Variants in SBNO1 observed in about 807,000 individuals in gnomAD.
SBNO1 encodes strawberry notch homolog 1.
Under a neutral mutation model 173.6 loss-of-function variants are expected in SBNO1, and 23 were observed. The observed-to-expected ratio is 0.13, with a 90% CI of 0.10 to 0.19. The LOEUF is 0.19. SBNO1 is among the 10% of genes least tolerant of loss of function. SBNO1 has a pLI of 1.00. For synonymous variants in SBNO1, 632 were observed against 571.5 expected (o/e 1.11, Z -1.51); for missense variants, 1,238 against 1,671.2 (o/e 0.74, Z 4.52).
chr12:123,322,813 G>A (rs1870142599), intron 16 of SBNO1, among the ~76,000 whole-genome samples: 1 of 151,344 alleles, frequency 6.6e-6, no homozygotes, highest in Non-Finnish European at 1.5e-5. Flanking sequence ...CCAGGAGGCA[G>A]AGGTTGCAGT....
At chr12:123,311,745 T>TATAC (rs1566027834) in intron 24 of SBNO1, among the ~76,000 whole-genome samples, 1 of 142,732 alleles carries the variant, frequency 7.0e-6, no homozygotes, top group African/African-American at 2.5e-5. Flanking sequence ...TATATATATA[T>TATAC]ATATTTTTGC....
chr12:123,331,582 C>T (rs7488340), intron 7 of SBNO1, among the ~76,000 whole-genome samples: 144,107 of 152,226 alleles, frequency 0.95, 68,336 homozygotes, highest in Non-Finnish European at 0.96. Context: ...AGTGCAGTGG[C>T]GCGATCTTGG....
chr12:123,302,153 G>C (rs952262952), intron 30 of SBNO1, among the ~76,000 whole-genome samples: 1 of 150,912 alleles, frequency 6.6e-6, no homozygotes, highest in Admixed American at 6.6e-5. Context: ...GGCTGGTCTC[G>C]AACTCCCGAC....
intron 31 of SBNO1, among the ~76,000 whole-genome samples, chr12:123,296,403 T>C (rs2048595860): frequency 6.6e-6 from 1 of 152,202 alleles, no homozygotes; most frequent in South Asian, 2.1e-4. Context: ...AAGTTGCAAA[T>C]TCAAATGCTA....
At chr12:123,329,908 A>G (rs1871017331) in intron 9 of SBNO1, among the ~76,000 whole-genome samples, 1 of 152,204 alleles carries the variant, frequency 6.6e-6, no homozygotes. Context: ...TCTAAAACAC[A>G]CTGGCACACA....
At chr12:123,322,070 G>A (rs1272740068) in intron 16 of SBNO1, among the ~76,000 whole-genome samples, 1 of 152,200 alleles carries the variant, frequency 6.6e-6, no homozygotes, top group Non-Finnish European at 1.5e-5. Flanking sequence ...GATTTGAGAA[G>A]AGGCCTAATA....
chr12:123,361,888 C>T (rs576787753), intron 1 of SBNO1, among the ~76,000 whole-genome samples: 1 of 152,178 alleles, frequency 6.6e-6, no homozygotes, highest in African/African-American at 2.4e-5. Flanking sequence ...CGCCTGTAAT[C>T]CCAGCACTTT....
Position 123,349,526 on chromosome 12 carries a change from ACTAT to A in SBNO1, c.132+780_132+783del, listed in dbSNP as rs373004540. Among the ~76,000 whole-genome samples, 81 of 152,308 alleles carry A rather than the reference ACTAT, an allele frequency of 5.3e-4. 2 individuals are homozygous for A. In the South Asian group the frequency reaches 0.016, roughly 29 times the overall value. On this transcript the variant is annotated intron_variant, in intron 2 of 31. Coordinates refer to ENST00000602398, the MANE Select transcript of SBNO1 (RefSeq NM_001167856.3). Reference sequence around the variant, plus strand: ...CACAAGAACACTAAACATCTCTTACACTATCTATACGTTTATAATAACATCAAAG... The same window carrying A: ...CACAAGAACACTAAACATCTCTTACACTATACGTTTATAATAACATCAAAG...
intron 1 of SBNO1, among the ~76,000 whole-genome samples, chr12:123,359,240 T>C (rs955912083): frequency 8.8e-5 from 13 of 148,516 alleles, no homozygotes; most frequent in African/African-American, 3.2e-4. Context: ...GCCTACTGTA[T>C]CAGCATTTTA....
In SBNO1 at chr12:123,297,459, T is replaced by G. The variant is rs374279017; in HGVS notation, c.4039+519A>C. Among the ~76,000 whole-genome samples the G allele has an allele frequency of 8.1e-5, 10 of 123,262 alleles. No homozygotes were observed. In the East Asian group the frequency reaches 1.1e-3, roughly 14 times the overall value. 80.9% of individuals were successfully genotyped at this position (123,262 alleles called of 152,430 possible). A position where few individuals can be genotyped will look rare whatever the true frequency, so the allele number is the denominator to read the frequency against. ...GACTTTGGCCCATGAACTCCCGATATGCAATCCGTGGTAGAGGAAGGCTGC... is the reference window on the plus strand; with the variant it reads ...GACTTTGGCCCATGAACTCCCGATAGGCAATCCGTGGTAGAGGAAGGCTGC... On this transcript the variant is annotated intron_variant, in intron 31 of 31. Coordinates refer to ENST00000602398, the MANE Select transcript of SBNO1 (RefSeq NM_001167856.3).
At position 123,334,216 on chromosome 12, in the gene SBNO1, A is replaced by T. The variant is rs1031992454; in HGVS notation, c.749-3T>A. The T allele has an allele frequency of 4.5e-6, 7 of 1,538,912 alleles. No individual in the cohort carries two copies. The highest frequency in any genetic ancestry group is 2.6e-5 in the South Asian group (2 of 76,750). On this transcript the variant is annotated splice_polypyrimidine_tract_variant and splice_region_variant and intron_variant, in intron 6 of 31. Coordinates refer to ENST00000602398, the MANE Select transcript of SBNO1 (RefSeq NM_001167856.3). ...TGGATGACGTAGGCCAATTTTTACT[A>T]AACAAAAATGTAAAAACATTTTATT...
At chr12:123,327,279 G>A (rs1406499706) in intron 13 of SBNO1, 147 bp downstream of exon 13, 2 of 674,918 alleles carry the variant, frequency 3.0e-6, no homozygotes, top group Non-Finnish European at 5.0e-6. Flanking sequence ...CCAAAGTGCT[G>A]AGGCATGAGA....
chr12:123,334,397 T>C (rs1871585598), intron 6 of SBNO1, among the ~76,000 whole-genome samples, 184 bp from the exon 7 acceptor site: 1 of 152,210 alleles, frequency 6.6e-6, no homozygotes, highest in African/African-American at 2.4e-5. Flanking sequence ...AAATGATTTA[T>C]CAACTACATA....
chr12:123,324,471 G>A (rs1032328437), intron 15 of SBNO1, among the ~76,000 whole-genome samples: 2 of 151,768 alleles, frequency 1.3e-5, no homozygotes, highest in East Asian at 1.9e-4. Flanking sequence ...ACAGGTGCCC[G>A]CCACCACGCC....
In SBNO1 at chr12:123,326,689, G is replaced by A. The variant is rs147574359; in HGVS notation, c.1693-355C>T. ...GCCTGTAATCCCAGCACTTTGGGAGGCTGAGGCAGGTGGATTGCTTGAGCC... is the reference window on the plus strand; with the variant it reads ...GCCTGTAATCCCAGCACTTTGGGAGACTGAGGCAGGTGGATTGCTTGAGCC... On this transcript the variant is annotated intron_variant, in intron 13 of 31. Coordinates refer to ENST00000602398, the MANE Select transcript of SBNO1 (RefSeq NM_001167856.3). Among the ~76,000 whole-genome samples, 791 of 152,326 alleles carry A rather than the reference G, an allele frequency of 5.2e-3. 2 individuals are homozygous for A. The highest frequency in any genetic ancestry group is 8.8e-3 in the Non-Finnish European group (597 of 68,036).
intron 1 of SBNO1, chr12:123,363,811 T>C (rs1267589728): frequency 1.0e-6 from 1 of 969,214 alleles, no homozygotes; most frequent in East Asian, 1.1e-4. Flanking sequence ...TCCGCAAACA[T>C]TAACCAAACA....
intron 1 of SBNO1, among the ~76,000 whole-genome samples, chr12:123,357,341 T>C (rs1164785051): frequency 6.7e-6 from 1 of 149,972 alleles, no homozygotes; most frequent in East Asian, 2.0e-4. Context: ...TCCCAGCTAC[T>C]CCAGAGGCTG....
intron 3 of SBNO1, among the ~76,000 whole-genome samples, chr12:123,347,417 G>C (rs531468406): frequency 8.6e-5 from 13 of 151,496 alleles, no homozygotes; most frequent in South Asian, 2.1e-4. Flanking sequence ...TAGTAGAGAC[G>C]GGGTTTCACC....
chr12:123,336,713 G>GT (rs1267041084), intron 5 of SBNO1, among the ~76,000 whole-genome samples: 1 of 152,154 alleles, frequency 6.6e-6, no homozygotes, highest in Non-Finnish European at 1.5e-5. Flanking sequence ...ACCCACAAAT[G>GT]GGTCACAAGA....
Sources: gnomAD v4.1 joint callset for allele counts (sites outside exome capture counted in the v4.1 genomes callset) on GRCh38, gnomAD v4.1.1 for gene constraint, MANE v1.5 for transcripts, NCBI Gene and HGNC (gene_info 2026-07-23, HGNC 2026-07-21) for gene names.